Variants in EHMT1 observed in about 807,000 individuals in gnomAD.
The protein encoded by EHMT1 is euchromatic histone lysine methyltransferase 1.
Under a neutral mutation model 147.2 loss-of-function variants are expected in EHMT1, and 15 were observed. The ratio of observed to expected loss-of-function variants is 0.10; its 90% CI spans 0.07 to 0.16. EHMT1 has a LOEUF of 0.16. Among genes scored for constraint, EHMT1 ranks in the 10% least tolerant of loss-of-function variants. The probability of loss-of-function intolerance (pLI) is 1.00; values close to 1 mark genes in which losing one functional copy is unlikely to be tolerated. For synonymous variants in EHMT1, 795 were observed against 709.6 expected (o/e 1.12, Z -1.91); for missense variants, 1,587 against 1,772.4 (o/e 0.90, Z 1.88).
intron 3 of EHMT1, among the ~76,000 whole-genome samples, chr9:137,727,164 T>C (rs1009509330): frequency 6.6e-6 from 1 of 152,232 alleles, no homozygotes; most frequent in Non-Finnish European, 1.5e-5. Flanking sequence ...TTTTTCTTTG[T>C]AGAGACAGGG....
chr9:137,715,598 C>T (rs1945138206), intron 2 of EHMT1: 2 of 985,306 alleles, frequency 2.0e-6, no homozygotes, highest in Non-Finnish European at 2.4e-6. Context: ...CCTAGCGATG[C>T]CATCGCAGGC....
chr9:137,755,641 C>G (rs919165654), intron 8 of EHMT1, among the ~76,000 whole-genome samples: 8 of 152,228 alleles, frequency 5.3e-5, no homozygotes, highest in Non-Finnish European at 1.2e-4. Context: ...CTTCAGGAAG[C>G]TGCCAAGCTG....
chr9:137,665,364 G>A (rs1214703633), intron 1 of EHMT1, among the ~76,000 whole-genome samples: 1 of 152,178 alleles, frequency 6.6e-6, no homozygotes, highest in African/African-American at 2.4e-5. Flanking sequence ...AGTGTGGGGA[G>A]ACTGCTGTGC....
At chr9:137,632,527 C>T (rs1036148787) in intron 1 of EHMT1, among the ~76,000 whole-genome samples, 79 of 152,182 alleles carry the variant, frequency 5.2e-4, no homozygotes, top group African/African-American at 1.9e-3. Flanking sequence ...CCTCAGCCTC[C>T]CGAGTAGCTG....
intron 4 of EHMT1, among the ~76,000 whole-genome samples, chr9:137,737,271 T>G (rs1473792723): frequency 6.6e-6 from 1 of 152,204 alleles, no homozygotes; most frequent in Non-Finnish European, 1.5e-5. Context: ...TACAAAGCTA[T>G]AGTACTCAAA....
intron 1 of EHMT1, among the ~76,000 whole-genome samples, chr9:137,682,883 C>T (rs1231210475): frequency 1.3e-5 from 2 of 152,314 alleles, no homozygotes; most frequent in South Asian, 2.1e-4. Context: ...AGCCCAGCTG[C>T]GAACAGGTGC....
At chr9:137,768,815 G>A (rs1440568239) in intron 10 of EHMT1, among the ~76,000 whole-genome samples, 1 of 151,932 alleles carries the variant, frequency 6.6e-6, no homozygotes, top group Admixed American at 6.6e-5. Context: ...CTCCCAAAGT[G>A]CTGGGATTAC....
intron 1 of EHMT1, among the ~76,000 whole-genome samples, chr9:137,622,089 A>G (rs1842972101): frequency 6.7e-6 from 1 of 148,460 alleles, no homozygotes; most frequent in Admixed American, 6.7e-5. Context: ...AGCATTAGGT[A>G]TATCTCCTAA....
At chr9:137,718,451 C>T (rs559454080) in intron 3 of EHMT1, among the ~76,000 whole-genome samples, 2 of 152,214 alleles carry the variant, frequency 1.3e-5, no homozygotes, top group Non-Finnish European at 2.9e-5. Context: ...GTTTGTAGAT[C>T]GTTTGCTCTT....
chr9:137,834,213 C>A, intron 25 of EHMT1, 136 bp from the exon 26 acceptor site: 1 of 1,184,218 alleles, frequency 8.4e-7, no homozygotes, highest in Non-Finnish European at 1.2e-6. Flanking sequence ...CCACAGGTCA[C>A]TGGAGAAGGC....
chr9:137,713,473 A>G (rs1449243760), intron 2 of EHMT1, among the ~76,000 whole-genome samples: 1 of 151,154 alleles, frequency 6.6e-6, no homozygotes, highest in Non-Finnish European at 1.5e-5. Context: ...GGGTTTCACC[A>G]TCTTAGCCAG....
intron 16 of EHMT1, among the ~76,000 whole-genome samples, chr9:137,792,989 T>C (rs1246525604): frequency 1.3e-5 from 2 of 152,176 alleles, no homozygotes; most frequent in African/African-American, 4.8e-5. Context: ...GATGACCCGC[T>C]TCTGGGTTGG....
At chr9:137,784,307 T>C (rs1477894138) in intron 15 of EHMT1, 1 of 1,413,064 alleles carries the variant, frequency 7.1e-7, no homozygotes, top group Non-Finnish European at 9.3e-7. Context: ...TGGCTCCATC[T>C]TCACAGCCTC....
intron 1 of EHMT1, among the ~76,000 whole-genome samples, chr9:137,708,994 C>T (rs1012241871): frequency 2.0e-5 from 3 of 152,232 alleles, no homozygotes; most frequent in African/African-American, 7.2e-5. Flanking sequence ...ATCTCACTGC[C>T]TCATCCAGGG....
chr9:137,624,758 G>A (rs557933943), intron 1 of EHMT1, among the ~76,000 whole-genome samples: 4 of 151,880 alleles, frequency 2.6e-5, no homozygotes, highest in East Asian at 3.9e-4. Flanking sequence ...CACTGTTCCC[G>A]GCAGTGATTT....
chr9:137,779,894 G>T (rs1346019052), intron 14 of EHMT1, among the ~76,000 whole-genome samples, 177 bp downstream of exon 14: 1 of 152,178 alleles, frequency 6.6e-6, no homozygotes, highest in Admixed American at 6.5e-5. Flanking sequence ...GGCTTTTTAT[G>T]GTGTTCATAT....
intron 18 of EHMT1, among the ~76,000 whole-genome samples, chr9:137,801,940 T>G (rs1437360162): frequency 6.8e-6 from 1 of 147,640 alleles, no homozygotes; most frequent in Non-Finnish European, 1.5e-5. Flanking sequence ...GGCTCTCTCT[T>G]TGAAACAAAG....
Position 137,754,163 on chromosome 9 carries a change from T to A in EHMT1, c.1249-8T>A, listed in dbSNP as rs1197151242. 1 of 1,613,968 alleles carries A rather than the reference T, an allele frequency of 6.2e-7. No individual in the cohort carries two copies. Among genetic ancestry groups the A allele is most frequent in the Non-Finnish European group, 8.5e-7 (1 of 1,179,972 alleles). ...GTGGTTTATATGCCTGCCCGTTTGG[T>A]TCTCCAGAGTTCGGAATCCAGCATT... On this transcript the variant is annotated splice_polypyrimidine_tract_variant and splice_region_variant and intron_variant, in intron 7 of 26. Coordinates refer to ENST00000460843, the MANE Select transcript of EHMT1 (RefSeq NM_024757.5).
chr9:137,627,131 G>C (rs1843313986), intron 1 of EHMT1, among the ~76,000 whole-genome samples: 2 of 151,870 alleles, frequency 1.3e-5, no homozygotes, highest in South Asian at 4.1e-4. Flanking sequence ...GCTAATTTTT[G>C]TATTTTTGGT....
Sources: gnomAD v4.1 joint callset for allele counts (sites outside exome capture counted in the v4.1 genomes callset) on GRCh38, gnomAD v4.1.1 for gene constraint, MANE v1.5 for transcripts, NCBI Gene and HGNC (gene_info 2026-07-23, HGNC 2026-07-21) for gene names.